SYN2: variants seen among roughly 807,000 people sequenced by gnomAD.
SYN2 encodes the protein synapsin-2.
A neutral mutation model predicts 50.9 loss-of-function variants in SYN2; 19 were observed. That is an observed-to-expected ratio of 0.37 (90% confidence interval 0.26 to 0.55). The LOEUF (loss-of-function observed/expected upper bound fraction) is 0.55. Ranked by LOEUF, SYN2 falls within the 20% of genes least tolerant of loss-of-function variation. The pLI, the probability that SYN2 is intolerant of heterozygous loss-of-function variation, is 0.81. For missense variants in SYN2, 587 were observed against 576.4 expected, an observed-to-expected ratio of 1.02 and a Z score of -0.19; for synonymous variants, 255 against 224.9, an observed-to-expected ratio of 1.13 and a Z score of -1.20.
intron 1 of SYN2, among the ~76,000 whole-genome samples, chr3:12,103,000 A>G (rs1360011572): frequency 1.3e-5 from 2 of 152,192 alleles, no homozygotes; most frequent in African/African-American, 4.8e-5. Flanking sequence ...TTTAGAATTT[A>G]CAGTGTGCCA....
At chr3:12,051,511 C>T (rs1694865238) in intron 1 of SYN2, among the ~76,000 whole-genome samples, 1 of 148,734 alleles carries the variant, frequency 6.7e-6, no homozygotes, top group African/African-American at 2.5e-5. Flanking sequence ...CAGTGCTGCC[C>T]CTGAAGTTTT....
chr3:12,137,225 G>C (rs142925738), intron 1 of SYN2, among the ~76,000 whole-genome samples: 1 of 146,962 alleles, frequency 6.8e-6, no homozygotes, highest in African/African-American at 2.5e-5. Context: ...TCTAGCCCGC[G>C]CAACAGAGCA....
At chr3:12,014,057 G>A (rs1206799277) in intron 1 of SYN2, among the ~76,000 whole-genome samples, 2 of 152,058 alleles carry the variant, frequency 1.3e-5, no homozygotes, top group Non-Finnish European at 2.9e-5. Flanking sequence ...TGTATTGAGC[G>A]TCTATGCCCC....
chr3:12,101,701 TG>T (rs2125189389), intron 1 of SYN2, among the ~76,000 whole-genome samples: 1 of 152,184 alleles, frequency 6.6e-6, no homozygotes, highest in South Asian at 2.1e-4. Flanking sequence ...GAGAAGAAAA[TG>T]GAGGTAAATT....
Position 12,158,604 on chromosome 3 carries a change from GCTC to G in SYN2, c.775-2937_775-2935del. ...CAAGAGACAACCGGTAAGAATTTGAGCTCCTCCCTTTTCCTCTGGACTCCTGGT... is the reference window on the plus strand; with the variant it reads ...CAAGAGACAACCGGTAAGAATTTGAGCTCCCTTTTCCTCTGGACTCCTGGT... On this transcript the variant is annotated intron_variant, in intron 5 of 12. Coordinates refer to ENST00000621198, the MANE Select transcript of SYN2 (RefSeq NM_133625.6). The G allele has an allele frequency of 2.0e-6, 3 of 1,520,884 alleles. No individual in the cohort carries two copies. In the South Asian group the frequency reaches 3.6e-5, roughly 18 times the overall value. 94.2% of individuals were successfully genotyped at this position (1,520,884 alleles called of 1,614,324 possible). A position where few individuals can be genotyped will look rare whatever the true frequency, so the allele number is the denominator to read the frequency against.
At chr3:12,151,161 A>G in intron 4 of SYN2, 76 bp from the exon 5 acceptor site, 1 of 1,045,124 alleles carries the variant, frequency 9.6e-7, no homozygotes, top group Non-Finnish European at 1.5e-6. Context: ...TGCTCAATAA[A>G]TATTTGATGA....
intron 1 of SYN2, among the ~76,000 whole-genome samples, chr3:12,140,432 G>C (rs1696987951): frequency 6.6e-6 from 1 of 152,006 alleles, no homozygotes; most frequent in Non-Finnish European, 1.5e-5. Context: ...GATAATGAAG[G>C]GATGTTTTGG....
chr3:12,128,456 C>G (rs1696720059), intron 1 of SYN2, among the ~76,000 whole-genome samples: 1 of 152,170 alleles, frequency 6.6e-6, no homozygotes. Context: ...GTTGTTTGAT[C>G]TTGAACTTGT....
In SYN2 at chr3:12,059,829, C is replaced by T. The variant is rs929872107; in HGVS notation, c.377+54901C>T. 2.0e-5 allele frequency among the ~76,000 whole-genome samples: 3 copies of T among 152,160 alleles called. No individual in the cohort carries two copies. In the South Asian group the frequency reaches 6.2e-4, roughly 32 times the overall value. ...CCCACAGGCTCCTCTAAAGGGGGTC[C>T]CTGCTCTGTCTCAATTCCTCAAGAC... On this transcript the variant is annotated intron_variant, in intron 1 of 12. Coordinates refer to ENST00000621198, the MANE Select transcript of SYN2 (RefSeq NM_133625.6).
chr3:12,168,335 C>T (rs1349365552), intron 8 of SYN2, 41 bp from the exon 9 acceptor site: 2 of 1,554,270 alleles, frequency 1.3e-6, no homozygotes, highest in Non-Finnish European at 8.8e-7. Context: ...TTGTGGTGAG[C>T]GAATTGCCCC....
chr3:12,127,100 C>T (rs914977804), intron 1 of SYN2, among the ~76,000 whole-genome samples: 2 of 152,114 alleles, frequency 1.3e-5, no homozygotes, highest in African/African-American at 4.8e-5. Context: ...ACATAATGAA[C>T]GTCTTTTCAA....
chr3:12,060,407 G>A lies in SYN2; in HGVS notation c.377+55479G>A, dbSNP rs1466481129. Among the ~76,000 whole-genome samples the A allele has an allele frequency of 2.0e-5, 3 of 152,062 alleles. No individual in the cohort carries two copies. In the East Asian group the frequency reaches 5.8e-4, roughly 29 times the overall value. The stretch of plus-strand genomic sequence containing the variant: ...AGAGTCTTATCCCACCTGGGAGAAG[G>A]GCATTTCTCTGACTCCAGCCCCCTC... On this transcript the variant is annotated intron_variant, in intron 1 of 12. Coordinates refer to ENST00000621198, the MANE Select transcript of SYN2 (RefSeq NM_133625.6).
intron 1 of SYN2, among the ~76,000 whole-genome samples, chr3:12,039,179 T>A (rs1304937115): frequency 1.3e-5 from 2 of 152,226 alleles, no homozygotes; most frequent in African/African-American, 4.8e-5. Context: ...TTTCTTTTTT[T>A]ATTCTATTAA....
chr3:12,119,880 A>C (rs959629299), intron 1 of SYN2, among the ~76,000 whole-genome samples: 3 of 152,132 alleles, frequency 2.0e-5, no homozygotes, highest in Admixed American at 1.3e-4. Context: ...TGTCAACCCC[A>C]ATGATCTCAA....
At chr3:12,093,356 A>G (rs1315692574) in intron 1 of SYN2, among the ~76,000 whole-genome samples, 1 of 152,204 alleles carries the variant, frequency 6.6e-6, no homozygotes, top group Non-Finnish European at 1.5e-5. Flanking sequence ...CAATGAAGAA[A>G]TGCAAGGTAG....
At chr3:12,020,899 G>A (rs900738138) in intron 1 of SYN2, among the ~76,000 whole-genome samples, 2 of 152,114 alleles carry the variant, frequency 1.3e-5, no homozygotes, top group African/African-American at 4.8e-5. Context: ...TATTATATCA[G>A]TATGATTAAA....
In SYN2 at chr3:12,175,488, T is replaced by A. The variant is rs144761369; in HGVS notation, c.1308+5582T>A. Among the ~76,000 whole-genome samples, 755 of 152,352 alleles carry A rather than the reference T, an allele frequency of 5.0e-3. 5 individuals are homozygous for A. The highest frequency in any genetic ancestry group is 0.017 in the African/African-American group (698 of 41,590). The stretch of plus-strand genomic sequence containing the variant: ...ACCTCTTGCTGGCCTCTTTCTTCTG[T>A]GGCTGTGGAAGCTCAGGCTGAAAGA... On this transcript the variant is annotated intron_variant, in intron 10 of 12. Transcript: ENST00000621198.
chr3:12,154,159 T>C (rs895618903), intron 5 of SYN2, among the ~76,000 whole-genome samples: 1 of 152,182 alleles, frequency 6.6e-6, no homozygotes, highest in African/African-American at 2.4e-5. Flanking sequence ...CCAGCCAAAG[T>C]GTAAGTACTT....
chr3:12,065,936 C>T (rs914379827), intron 1 of SYN2, among the ~76,000 whole-genome samples: 4 of 152,094 alleles, frequency 2.6e-5, no homozygotes, highest in African/African-American at 9.7e-5. Flanking sequence ...CCAGAATAGG[C>T]AACTCTGTAG....
Sources: allele counts gnomAD v4.1 joint callset (sites outside exome capture counted in the v4.1 genomes callset), GRCh38; gene constraint gnomAD v4.1.1; transcripts MANE v1.5; gene names NCBI Gene and HGNC (gene_info 2026-07-23, HGNC 2026-07-21).